The following HSPG2 variants were observed in gnomAD, a reference collection of about 807,000 sequenced individuals.
HSPG2 encodes heparan sulfate proteoglycan 2, also known as basement membrane-specific heparan sulfate proteoglycan core protein.
HSPG2 carries 278 observed loss-of-function variants against 526.6 expected under a neutral mutation model. That is an observed-to-expected ratio of 0.53 (90% CI 0.48 to 0.58). The LOEUF (loss-of-function observed/expected upper bound fraction) is 0.58, where lower values mean the gene tolerates loss of function less well. HSPG2 is among the 20% of genes least tolerant of loss of function. The pLI is 0.00. For synonymous variants in HSPG2, 2,465 were observed against 2,555.4 expected, an observed-to-expected ratio of 0.96 and a Z score of 1.07; for missense variants, 5,354 against 6,099.5, an observed-to-expected ratio of 0.88 and a Z score of 4.07.
intron 70 of HSPG2, 75 bp from the exon 71 acceptor site, chr1:21,841,360 T>C: frequency 1.9e-6 from 3 of 1,587,124 alleles, no homozygotes; most frequent in Non-Finnish European, 2.6e-6. Context: ...GGCCTCCAGC[T>C]TAGTAACTGC....
Position 21,847,292 on chromosome 1 carries a change from G to A in HSPG2, c.8164+62C>T. Reference sequence around the variant, plus strand: ...CAGGTCTGAGGACTCTGACCTGAAAGTTCCTTCTCCCCAGGGAACACTGTT... The same window carrying A: ...CAGGTCTGAGGACTCTGACCTGAAAATTCCTTCTCCCCAGGGAACACTGTT... On this transcript the variant is annotated intron_variant, in intron 62 of 96. Coordinates refer to ENST00000374695, the MANE Select transcript of HSPG2 (RefSeq NM_005529.7). The surrounding 1 kb of genome is among the most constrained non-coding windows in gnomAD (Gnocchi z 4.1). The A allele has an allele frequency of 1.2e-6, 2 of 1,601,118 alleles. No homozygotes were observed. The highest frequency in any genetic ancestry group is 1.7e-6 in the Non-Finnish European group (2 of 1,169,670).
At position 21,828,349 on chromosome 1, in the gene HSPG2, G is replaced by A. The variant is rs751705638; in HGVS notation, c.12315C>T (p.Ser4105=). The A allele has an allele frequency of 1.2e-6, 2 of 1,613,812 alleles. No homozygotes were observed. Among genetic ancestry groups the A allele is most frequent in the East Asian group, 2.2e-5 (1 of 44,874 alleles). Reference sequence around the variant, plus strand: ...GGCAAGGCTGGCGCTCACATGGGGAGCTATCATAGCATTGCCCGATGCCCT... The same window carrying A: ...GGCAAGGCTGGCGCTCACATGGGGAACTATCATAGCATTGCCCGATGCCCT... The part of the protein sequence containing the change: ...GSQGIGQCYD[S]SPCERQPCQH... The change falls in exon 89 of 97, where the codon AGC becomes AGT. Residue 4105 remains serine (S), a synonymous_variant. Transcript: ENST00000374695. This position sits in a 1 kb window ranked among gnomAD's most constrained non-coding sequence, Gnocchi z 6.0.
chr1:21,836,347 GT>G (rs2098026174), intron 75 of HSPG2, among the ~76,000 whole-genome samples: 1 of 152,158 alleles, frequency 6.6e-6, no homozygotes. Flanking sequence ...TTGAGATGGA[GT>G]TTTGCTCTTG....
rs1004886842 is a variant in HSPG2, at chr1:21,864,588, C to G, written c.4626+255G>C. Among the ~76,000 whole-genome samples the G allele has an allele frequency of 6.6e-6, 1 of 152,208 alleles. No individual in the cohort carries two copies. Among genetic ancestry groups the G allele is most frequent in the Admixed American group, 6.5e-5 (1 of 15,276 alleles). On this transcript the variant is annotated intron_variant, in intron 36 of 96. Transcript: ENST00000374695. This position sits in a 1 kb window ranked among gnomAD's most constrained non-coding sequence, Gnocchi z 4.8. ...GCTAGGCTTTGGAGTCAATCAGACC[C>G]AGGTTCAAATTAGTTTCTGCCACAC...
rs765181959 is a variant in HSPG2 at position 21,850,492 on chromosome 1, C to T, written c.7165G>A (p.Gly2389Ser). 15 of 1,609,330 alleles carry T rather than the reference C, an allele frequency of 9.3e-6. No individual in the cohort carries two copies. Among genetic ancestry groups the T allele is most frequent in the South Asian group, 6.6e-5 (6 of 90,622 alleles). The change falls in exon 56 of 97, where the codon GGC (glycine) becomes AGC (serine). Residue 2389 changes from glycine (G) to serine (S), a missense_variant. Gly to Ser is a moderately conservative substitution (Grantham distance 56). Transcript: ENST00000374695. ...GCTTGGTAGAGTCTCAGCAGGGAGC[C>T]GTGGGTCTGGCCAGAATGGGGGTGA... Reference protein sequence around the residue: ...GSLPVRHQTHGSLLRLYQASP... With the variant: ...GSLPVRHQTHSSLLRLYQASP...
At position 21,831,014 on chromosome 1, in the gene HSPG2, C is replaced by A. The variant is rs1455585801; in HGVS notation, c.11639G>T (p.Cys3880Phe). 6.3e-7 allele frequency: 1 copy of A among 1,589,448 alleles called. No individual in the cohort carries two copies. Among genetic ancestry groups the A allele is most frequent in the African/African-American group, 1.3e-5 (1 of 74,866 alleles). The change falls in exon 85 of 97, where the codon TGT becomes TTT. Residue 3880 changes from cysteine to phenylalanine, a missense_variant. Physicochemically the swap from Cys to Phe is radical, Grantham distance 205. Transcript: ENST00000374695. ...VCPAGFTGSR[C>F]EHSQALHCHP... is the part of the protein sequence containing the mutation. ...GCAGTGCAGGGCCTGCGAGTGCTCA[C>A]AGCGGCTCCCGGTGAAGCCAGCTGG...
rs377296507 is a variant in HSPG2, at chr1:21,824,083, G to T, written c.12899+38C>A. The T allele has an allele frequency of 4.4e-6, 7 of 1,575,500 alleles. No individual in the cohort carries two copies. The highest frequency in any genetic ancestry group is 2.7e-5 in the African/African-American group (2 of 74,436). The stretch of plus-strand genomic sequence containing the variant: ...GGGGCGTCCTGCCCCACTCCAGAAC[G>T]CTGGGCCCCATCCCGAGTGCCCGGC... On this transcript the variant is annotated intron_variant, in intron 95 of 96. Transcript: ENST00000374695. This position sits in a 1 kb window ranked among gnomAD's most constrained non-coding sequence, Gnocchi z 5.9.
rs761323564 is a variant in HSPG2 at position 21,876,519 on chromosome 1, C to T, written c.2819G>A (p.Arg940His). ...CCCACCTTGCAGAGGTACCTGGGCA[C>T]GGCTCCATGAAGAGCTGGTGCAGTG... Reference protein sequence around the residue: ...SRHCTSSSWSRAQLHGASEEP... With the variant: ...SRHCTSSSWSHAQLHGASEEP... The change falls in exon 22 of 97, where the codon CGT becomes CAT. Residue 940 changes from arginine to histidine, a missense_variant. Transcript: ENST00000374695. 1.7e-5 allele frequency: 27 copies of T among 1,614,014 alleles called. No homozygotes were observed. Among genetic ancestry groups the T allele is most frequent in the Non-Finnish European group, 2.1e-5 (25 of 1,180,020 alleles).
intron 3 of HSPG2, among the ~76,000 whole-genome samples, chr1:21,891,002 C>A (rs1220624460): frequency 6.6e-6 from 1 of 152,198 alleles, no homozygotes; most frequent in Non-Finnish European, 1.5e-5. Context: ...AGGGGTGGCT[C>A]CCAGAGGGAG....
At chr1:21,917,762 C>T (rs950597769) in intron 1 of HSPG2, among the ~76,000 whole-genome samples, 3 of 152,166 alleles carry the variant, frequency 2.0e-5, no homozygotes, top group African/African-American at 7.2e-5. Flanking sequence ...AAGGCCCACT[C>T]AATCACCACC....
rs767194703 is a variant in HSPG2, at chr1:21,842,239, G to C, written c.9052C>G (p.Arg3018Gly). The C allele has an allele frequency of 1.2e-6, 2 of 1,613,594 alleles. No homozygotes were observed. Among genetic ancestry groups the C allele is most frequent in the South Asian group, 2.2e-5 (2 of 91,030 alleles). Reference protein sequence around the residue: ...TVPPSEGSSYRLRSPVISIDP... With the variant: ...TVPPSEGSSYGLRSPVISIDP... ...TGCCCATGGCATCTGCCATACTCAC[G>C]GTAGGAAGACCCCTCACTGGGCGGG... Residue 3018 changes from arginine (R) to glycine (G), a missense_variant and splice_region_variant, in exon 68 of 97, where the codon CGC becomes GGC. Coordinates refer to ENST00000374695, the MANE Select transcript of HSPG2 (RefSeq NM_005529.7).
intron 1 of HSPG2, among the ~76,000 whole-genome samples, chr1:21,930,399 T>C (rs548509930): frequency 2.6e-5 from 4 of 152,248 alleles, no homozygotes; most frequent in Non-Finnish European, 1.5e-5. Flanking sequence ...TTTCATTTAT[T>C]GTCTGTCTTC....
At position 21,889,980 on chromosome 1, in the gene HSPG2, C is replaced by T; in HGVS notation, c.574+1G>A. 1 of 1,614,036 alleles carries T rather than the reference C, an allele frequency of 6.2e-7. No individual in the cohort carries two copies. Among genetic ancestry groups the T allele is most frequent in the Non-Finnish European group, 8.5e-7 (1 of 1,179,946 alleles). On this transcript the variant is annotated splice_donor_variant, in intron 6 of 96. Coordinates refer to ENST00000374695, the MANE Select transcript of HSPG2 (RefSeq NM_005529.7). LOFTEE classifies it high-confidence loss of function. ...GATCCCAGACACCAGGATAGGCTCA[C>T]CTGTGCCCAGGCGTCGGAACTGGAA...
intron 76 of HSPG2, chr1:21,835,181 A>C: frequency 1.6e-6 from 1 of 629,746 alleles, no homozygotes; most frequent in Admixed American, 2.4e-5. Context: ...TTGTATTCAC[A>C]GGTGTGATCA....
chr1:21,913,855 G>A (rs1041829444), intron 1 of HSPG2, among the ~76,000 whole-genome samples: 1 of 152,240 alleles, frequency 6.6e-6, no homozygotes. Flanking sequence ...TGAGTTCTGG[G>A]TGGGACTAAC....
chr1:21,885,189 G>A (rs1371504020), intron 10 of HSPG2, 32 bp from the exon 11 acceptor site: 11 of 1,601,074 alleles, frequency 6.9e-6, no homozygotes, highest in Non-Finnish European at 8.5e-6. Context: ...TGAGGGGTCG[G>A]GGGCAAAGGA....
intron 1 of HSPG2, 128 bp from the exon 2 acceptor site, chr1:21,896,438 G>T: frequency 8.8e-7 from 1 of 1,135,680 alleles, no homozygotes; most frequent in Non-Finnish European, 1.3e-6. Flanking sequence ...ATTTGACTTA[G>T]TATGGCTCAG....
chr1:21,824,885 C>T lies in HSPG2; in HGVS notation c.12590-106G>A. 2 of 1,069,032 alleles carry T rather than the reference C, an allele frequency of 1.9e-6. No homozygotes were observed. Among genetic ancestry groups the T allele is most frequent in the East Asian group, 2.6e-5 (1 of 38,638 alleles). 66.2% of individuals were successfully genotyped at this position (1,069,032 alleles called of 1,614,324 possible). A position where few individuals can be genotyped will look rare whatever the true frequency, so the allele number is the denominator to read the frequency against. ...CACGCCAACATGCAGGACTAGGGGG[C>T]TCCGAGCCTGCAGTCCCTGGGGACC... On this transcript the variant is annotated intron_variant, in intron 91 of 96. Transcript: ENST00000374695. This position sits in a 1 kb window ranked among gnomAD's most constrained non-coding sequence, Gnocchi z 5.9.
chr1:21,831,770 G>T lies in HSPG2; in HGVS notation c.11234C>A (p.Thr3745Asn). ...GGCCAGTGGTGTGGGATGGCGGATG[G>T]TGGCCATGCCTGAGCCTGCATCGAA... The part of the protein sequence containing the change: ...FRFDAGSGMA[T>N]IRHPTPLALG... The change falls in exon 82 of 97, where the codon ACC becomes AAC. Residue 3745 changes from threonine (T) to asparagine (N), a missense_variant. Transcript: ENST00000374695. The T allele has an allele frequency of 6.2e-7, 1 of 1,603,284 alleles. No homozygotes were observed. Among genetic ancestry groups the T allele is most frequent in the Non-Finnish European group, 8.5e-7 (1 of 1,172,512 alleles).
Sources: allele counts gnomAD v4.1 joint callset (sites outside exome capture counted in the v4.1 genomes callset), GRCh38; gene constraint gnomAD v4.1.1; non-coding constraint Gnocchi (gnomAD v3.1); transcripts MANE v1.5; gene names NCBI Gene and HGNC (gene_info 2026-07-23, HGNC 2026-07-21).